SMG6: variants seen among roughly 807,000 people sequenced by gnomAD.
SMG6 encodes telomerase-binding protein EST1A.
In SMG6, 66 loss-of-function variants were observed where a neutral mutation model predicts 142.2. That is an observed-to-expected ratio of 0.46 (90% confidence interval 0.38 to 0.57). The LOEUF is 0.57. Among genes scored for constraint, SMG6 ranks in the 20% least tolerant of loss-of-function variants. The probability of loss-of-function intolerance (pLI) is 0.00; values close to 1 mark genes in which losing one functional copy is unlikely to be tolerated. For synonymous variants in SMG6, 779 were observed against 702.4 expected (o/e 1.11, Z -1.72); for missense variants, 1,793 against 1,832.0 (o/e 0.98, Z 0.39).
chr17:2,293,833 C>G (rs149922871), intron 4 of SMG6, among the ~76,000 whole-genome samples: 1 of 152,316 alleles, frequency 6.6e-6, no homozygotes, highest in East Asian at 1.9e-4. Flanking sequence ...AATTGTACCA[C>G]GGCATTACAT....
At chr17:2,156,539 ACAT>A (rs2071012361) in intron 13 of SMG6, among the ~76,000 whole-genome samples, 1 of 152,154 alleles carries the variant, frequency 6.6e-6, no homozygotes, top group South Asian at 2.1e-4. Flanking sequence ...AACTTGACTA[ACAT>A]CAGCCTGTCA....
intron 9 of SMG6, chr17:2,239,873 A>G (rs2151293600): frequency 6.6e-6 from 1 of 152,356 alleles, no homozygotes; most frequent in East Asian, 1.9e-4. Context: ...GAGACTTCGA[A>G]GCTATGCAAA....
rs555120581 is a variant in SMG6 at position 2,114,786 on chromosome 17, G to A, written c.3358-28885C>T. On this transcript the variant is annotated intron_variant, in intron 13 of 18. Transcript: ENST00000263073. ...TCTACTAAAAATACAAAAATCAGTT[G>A]GGCGTGGTGGCAGGCGCCTGTAATC... Among the ~76,000 whole-genome samples the A allele has an allele frequency of 3.3e-5, 5 of 151,794 alleles. No individual in the cohort carries two copies. The East Asian group carries it at 9.6e-4, about 29-fold the overall frequency.
intron 10 of SMG6, chr17:2,215,405 G>C (rs1384201896): frequency 1.3e-5 from 2 of 151,984 alleles, no homozygotes; most frequent in African/African-American, 4.8e-5. Flanking sequence ...GCGATGGTCA[G>C]AGTAGAGAGA....
intron 9 of SMG6, among the ~76,000 whole-genome samples, chr17:2,244,353 C>A (rs1156609873): frequency 1.3e-5 from 2 of 152,118 alleles, no homozygotes. Flanking sequence ...CACTAGGGAC[C>A]TAAGCCGGAA....
chr17:2,130,684 C>CT (rs894259463), intron 13 of SMG6, among the ~76,000 whole-genome samples: 9 of 150,930 alleles, frequency 6.0e-5, no homozygotes, highest in East Asian at 3.9e-4. Context: ...GTAAGGTTTC[C>CT]TTTTTTTTCA....
At chr17:2,201,897 G>A (rs1457050662) in intron 10 of SMG6, among the ~76,000 whole-genome samples, 7 of 151,964 alleles carry the variant, frequency 4.6e-5, no homozygotes, top group African/African-American at 1.7e-4. Context: ...GGTGGCAGGT[G>A]CCTGTAATCC....
chr17:2,274,962 T>C (rs1268448233), intron 8 of SMG6, among the ~76,000 whole-genome samples: 3 of 149,940 alleles, frequency 2.0e-5, no homozygotes, highest in Non-Finnish European at 2.9e-5. Context: ...TCTCCACATA[T>C]TTAGCAAAGC....
At chr17:2,199,319 T>C (rs2072438252) in intron 10 of SMG6, among the ~76,000 whole-genome samples, 2 of 152,154 alleles carry the variant, frequency 1.3e-5, no homozygotes, top group African/African-American at 4.8e-5. Context: ...CTTTGGATTA[T>C]CAATCAGATG....
intron 10 of SMG6, among the ~76,000 whole-genome samples, chr17:2,231,182 G>C (rs995333722): frequency 1.3e-5 from 2 of 152,188 alleles, no homozygotes; most frequent in African/African-American, 4.8e-5. Context: ...ACGTCTCTGA[G>C]ATTGTTGTAT....
intron 13 of SMG6, among the ~76,000 whole-genome samples, chr17:2,099,322 C>T (rs1190132859): frequency 6.6e-6 from 1 of 152,020 alleles, no homozygotes; most frequent in Non-Finnish European, 1.5e-5. Flanking sequence ...AATAGGGACT[C>T]CTCTTTGACA....
intron 18 of SMG6, among the ~76,000 whole-genome samples, chr17:2,064,791 C>T (rs1420334012): frequency 6.6e-6 from 1 of 152,046 alleles, no homozygotes; most frequent in Non-Finnish European, 1.5e-5. Flanking sequence ...TGAGGACACC[C>T]AAGAAAGGAA....
intron 10 of SMG6, among the ~76,000 whole-genome samples, chr17:2,218,027 AC>A (rs1246054530): frequency 4.7e-5 from 6 of 128,000 alleles, no homozygotes; most frequent in African/African-American, 1.2e-4. Context: ...AAAAACAAAA[AC>A]AAAAAAAAAA....
intron 13 of SMG6, among the ~76,000 whole-genome samples, chr17:2,168,384 T>C (rs1292969444): frequency 1.3e-5 from 2 of 151,994 alleles, no homozygotes; most frequent in African/African-American, 4.8e-5. Flanking sequence ...GATTTCACTA[T>C]GTTGGCCAAG....
chr17:2,299,293 G>A lies in SMG6; in HGVS notation c.1460C>T (p.Ser487Phe), dbSNP rs1446467825. ...CTGAGCCTGGCGTGAGTCACCCCAA[G>A]ATGTAGGGCTGACTTCATCATCAGT... ...LDTDDEVSPT[S>F]WGDSRQAQAS... The change falls in exon 2 of 19, where the codon TCT (serine) becomes TTT (phenylalanine). Residue 487 changes from serine to phenylalanine, a missense_variant. Ser to Phe is a radical substitution (Grantham distance 155). Around this residue, in one of 3 missense-constraint regions of SMG6, gnomAD observed 1,597 missense variants for 1,584.6 expected, o/e 1.01. Transcript: ENST00000263073. The surrounding 1 kb of genome is among the most constrained non-coding windows in gnomAD (Gnocchi z 4.3). The A allele has an allele frequency of 6.2e-7, 1 of 1,614,116 alleles. No individual in the cohort carries two copies. Among genetic ancestry groups the A allele is most frequent in the Admixed American group, 1.7e-5 (1 of 60,020 alleles).
At chr17:2,185,221 C>G (rs1340788501) in intron 12 of SMG6, among the ~76,000 whole-genome samples, 2 of 152,094 alleles carry the variant, frequency 1.3e-5, no homozygotes, top group African/African-American at 4.8e-5. Context: ...CACAGACAGA[C>G]ATGGACCAGG....
At position 2,061,465 on chromosome 17, in the gene SMG6, C is replaced by CGGG. The variant is rs145926620; in HGVS notation, c.*24_*26dup. 1,936 of 1,356,090 alleles carry CGGG rather than the reference C, an allele frequency of 1.4e-3. 1 individual carries two copies. The highest frequency in any genetic ancestry group is 2.2e-3 in the Middle Eastern group (9 of 4,076). 84.0% of individuals were successfully genotyped at this position (1,356,090 alleles called of 1,614,324 possible). A position where few individuals can be genotyped will look rare whatever the true frequency, so the allele number is the denominator to read the frequency against. ...TGGTGGCCTTTCAGGAACGGTTCCA[C>CGGG]GGGGGGGGGGCCCCAGTGTGGCTCC... On this transcript the variant is annotated 3_prime_UTR_variant, in exon 19 of 19. Transcript: ENST00000263073.
intron 1 of SMG6, 22 bp from the exon 2 acceptor site, chr17:2,300,686 T>C: frequency 1.9e-6 from 3 of 1,542,530 alleles, no homozygotes; most frequent in Non-Finnish European, 1.7e-6. Flanking sequence ...GGGAAAGAGT[T>C]TGGGAGGGAA....
rs1050736552 is a variant in SMG6, at chr17:2,237,615, A to C, written c.2724-978T>G. On this transcript the variant is annotated intron_variant, in intron 9 of 18. Coordinates refer to ENST00000263073, the MANE Select transcript of SMG6 (RefSeq NM_017575.5). Reference sequence around the variant, plus strand: ...CCAGTGGAAATAGAATGCCCTGGCCAAGTGCCACTCCCAATACAGGAAGAG... The same window carrying C: ...CCAGTGGAAATAGAATGCCCTGGCCCAGTGCCACTCCCAATACAGGAAGAG... 1.2e-5 allele frequency: 11 copies of C among 950,796 alleles called. No homozygotes were observed. The African/African-American group carries it at 1.8e-4, about 15-fold the overall frequency. The allele number at this position is 950,796 out of a possible 1,614,324, so 58.9% of individuals were successfully genotyped here.
Sources: gnomAD v4.1 joint callset for allele counts (sites outside exome capture counted in the v4.1 genomes callset) on GRCh38, gnomAD v4.1.1 for gene constraint, gnomAD v4.1.1 regional missense constraint, Gnocchi (gnomAD v3.1) non-coding constraint, MANE v1.5 for transcripts, NCBI Gene and HGNC (gene_info 2026-07-23, HGNC 2026-07-21) for gene names.